The following DGKB variants were observed in gnomAD, a reference collection of about 807,000 sequenced individuals.
The protein encoded by DGKB is diacylglycerol kinase beta, also known as 90 kDa diacylglycerol kinase.
A neutral mutation model predicts 114.3 loss-of-function variants in DGKB; 67 were observed. The ratio of observed to expected loss-of-function variants is 0.59; its 90% CI spans 0.48 to 0.72. DGKB has a LOEUF of 0.72. Ranked by LOEUF, DGKB falls within the 30% of genes least tolerant of loss-of-function variation. DGKB has a pLI of 0.00. For missense variants in DGKB, 907 were observed against 975.2 expected (o/e 0.93, Z 0.93); for synonymous variants, 398 against 323.1 (o/e 1.23, Z -2.49).
In DGKB at chr7:14,630,270, T is replaced by A. The variant is rs200127476; in HGVS notation, c.1135-2A>T. 6.0e-5 allele frequency: 94 copies of A among 1,555,174 alleles called. 1 individual carries two copies. In the East Asian group the frequency reaches 1.0e-3, roughly 16 times the overall value. ...TGAAACTCCTGAAGTGGGCAGAGTC[T>A]GCTGAAAAAGAGAAGTTCATATGAA... On this transcript the variant is annotated splice_acceptor_variant, in intron 13 of 25. Transcript: ENST00000402815. LOFTEE classifies it high-confidence loss of function.
chr7:14,960,828 C>A (rs551164320), intron 1 of DGKB, among the ~76,000 whole-genome samples: 1 of 152,078 alleles, frequency 6.6e-6, no homozygotes, highest in Non-Finnish European at 1.5e-5. Flanking sequence ...TATCTTCCTC[C>A]CAGATGTTAT....
intron 21 of DGKB, among the ~76,000 whole-genome samples, chr7:14,429,704 C>T (rs986996182): frequency 1.3e-5 from 2 of 152,064 alleles, no homozygotes. Flanking sequence ...GGGCAGATCA[C>T]GAGGTCAGGA....
Position 14,346,291 on chromosome 7 carries a change from G to A in DGKB, c.1836-900C>T, listed in dbSNP as rs1469287361. Among the ~76,000 whole-genome samples, 3 of 151,718 alleles carry A rather than the reference G, an allele frequency of 2.0e-5. No individual in the cohort carries two copies. The East Asian group carries it at 5.8e-4, about 29-fold the overall frequency. ...TACTACTTAATTCAAGCCTATTATTGGTTTGGAAAATGACATTAAACCTAA... is the reference window on the plus strand; with the variant it reads ...TACTACTTAATTCAAGCCTATTATTAGTTTGGAAAATGACATTAAACCTAA... On this transcript the variant is annotated intron_variant, in intron 21 of 25. Coordinates refer to ENST00000402815, the MANE Select transcript of DGKB (RefSeq NM_001350709.2).
intron 1 of DGKB, among the ~76,000 whole-genome samples, chr7:14,868,963 T>G (rs184827477): frequency 1.3e-5 from 2 of 152,276 alleles, no homozygotes; most frequent in East Asian, 3.9e-4. Context: ...ATGAAGACAC[T>G]TGGAGAAAGA....
intron 20 of DGKB, among the ~76,000 whole-genome samples, chr7:14,484,696 C>A (rs1783506756): frequency 2.0e-5 from 3 of 152,114 alleles, no homozygotes; most frequent in South Asian, 4.1e-4. Context: ...TTCTTTACAG[C>A]AAGCAAGAAT....
At chr7:14,863,781 A>G (rs1851316152) in intron 1 of DGKB, among the ~76,000 whole-genome samples, 1 of 152,018 alleles carries the variant, frequency 6.6e-6, no homozygotes, top group South Asian at 2.1e-4. Flanking sequence ...CTGGGGCAGT[A>G]TATGTTAAAT....
intron 2 of DGKB, among the ~76,000 whole-genome samples, chr7:14,839,073 G>T (rs1847552981): frequency 6.6e-6 from 1 of 151,994 alleles, no homozygotes; most frequent in African/African-American, 2.4e-5. Flanking sequence ...CTTAAAGTCT[G>T]CTTGTATCAC....
At chr7:14,311,764 T>G (rs1413999041) in intron 23 of DGKB, among the ~76,000 whole-genome samples, 1 of 152,212 alleles carries the variant, frequency 6.6e-6, no homozygotes, top group African/African-American at 2.4e-5. Context: ...ACATTTATAT[T>G]GTCAGAAACA....
chr7:14,752,223 A>G (rs540754787), intron 4 of DGKB, among the ~76,000 whole-genome samples: 185 of 152,244 alleles, frequency 1.2e-3, no homozygotes, highest in African/African-American at 4.1e-3. Context: ...AAAGGTTTTT[A>G]TATCATTGTT....
chr7:14,241,756 T>C (rs1793679937), intron 23 of DGKB, among the ~76,000 whole-genome samples: 1 of 151,998 alleles, frequency 6.6e-6, no homozygotes, highest in Admixed American at 6.6e-5. Context: ...ACATTAGAGA[T>C]ACAATATGCA....
intron 1 of DGKB, among the ~76,000 whole-genome samples, chr7:14,936,933 C>A (rs1043762015): frequency 6.6e-6 from 1 of 151,730 alleles, no homozygotes; most frequent in Non-Finnish European, 1.5e-5. Flanking sequence ...GTCTTTGTTT[C>A]TCCCATGGTG....
At chr7:14,892,240 T>C (rs1781356828) in intron 1 of DGKB, among the ~76,000 whole-genome samples, 1 of 151,302 alleles carries the variant, frequency 6.6e-6, no homozygotes, top group Admixed American at 6.6e-5. Flanking sequence ...AGATCCAGAA[T>C]GGAGGCAATG....
chr7:14,714,165 C>A (rs1488155523), intron 6 of DGKB, among the ~76,000 whole-genome samples: 1 of 151,400 alleles, frequency 6.6e-6, no homozygotes. Context: ...TAGGAGATGG[C>A]AAGAAGATTC....
intron 6 of DGKB, among the ~76,000 whole-genome samples, chr7:14,705,871 G>A (rs1274521005): frequency 6.6e-6 from 1 of 151,924 alleles, no homozygotes; most frequent in Non-Finnish European, 1.5e-5. Flanking sequence ...ATGCCAAAAT[G>A]TAAAGACCAT....
chr7:14,553,916 A>T (rs1795487482), intron 20 of DGKB, among the ~76,000 whole-genome samples: 1 of 112,634 alleles, frequency 8.9e-6, no homozygotes, highest in African/African-American at 3.5e-5. Flanking sequence ...TCTGTCGCCC[A>T]GGCTGGAGTG....
intron 23 of DGKB, among the ~76,000 whole-genome samples, chr7:14,257,820 G>T (rs1008121145): frequency 6.6e-6 from 1 of 152,092 alleles, no homozygotes; most frequent in African/African-American, 2.4e-5. Context: ...TCCGCCTCCC[G>T]GGTTCAAGCA....
intron 20 of DGKB, among the ~76,000 whole-genome samples, chr7:14,567,343 TTA>T (rs1278728011): frequency 1.1e-3 from 17 of 14,880 alleles, no homozygotes; most frequent in African/African-American, 3.5e-3. Flanking sequence ...TATTTATATA[TTA>T]TATATATAAT....
At chr7:14,350,833 C>G (rs578224801) in intron 21 of DGKB, among the ~76,000 whole-genome samples, 3 of 151,924 alleles carry the variant, frequency 2.0e-5, no homozygotes, top group African/African-American at 4.8e-5. Flanking sequence ...AAAACAAAAT[C>G]ATAATATTTT....
At chr7:14,337,539 T>C (rs1810904629) in intron 23 of DGKB, among the ~76,000 whole-genome samples, 2 of 152,108 alleles carry the variant, frequency 1.3e-5, no homozygotes, top group African/African-American at 4.8e-5. Flanking sequence ...TCACTGCTTG[T>C]TACTGAAACT....
Sources: gnomAD v4.1 joint callset for allele counts (sites outside exome capture counted in the v4.1 genomes callset) on GRCh38, gnomAD v4.1.1 for gene constraint, MANE v1.5 for transcripts, NCBI Gene and HGNC (gene_info 2026-07-23, HGNC 2026-07-21) for gene names.